The following ARHGAP44 variants were observed in gnomAD, a reference collection of about 807,000 sequenced individuals.
ARHGAP44 encodes the protein rho GTPase-activating protein 44.
In ARHGAP44, 43 loss-of-function variants were observed where a neutral mutation model predicts 106.8. That is an observed-to-expected ratio of 0.40 (90% CI 0.32 to 0.52). ARHGAP44 has a LOEUF of 0.52. Among genes scored for constraint, ARHGAP44 ranks in the 20% least tolerant of loss-of-function variants. The probability of loss-of-function intolerance (pLI) is 0.48; values close to 1 mark genes in which losing one functional copy is unlikely to be tolerated. For missense variants in ARHGAP44, 866 were observed against 1,050.5 expected (o/e 0.82, Z 2.43); for synonymous variants, 439 against 410.3 (o/e 1.07, Z -0.85).
At chr17:12,974,880 CGGTT>C (rs950245072) in intron 18 of ARHGAP44, among the ~76,000 whole-genome samples, 7 of 144,002 alleles carry the variant, frequency 4.9e-5, no homozygotes, top group Non-Finnish European at 1.0e-4. Flanking sequence ...GATGGAGTCT[CGGTT>C]GGTCGCCCAG....
rs375495971 is a variant in ARHGAP44 at position 12,915,574 on chromosome 17, A to G, written c.276-326A>G. The stretch of plus-strand genomic sequence containing the variant: ...TTGTATTTGAAGATGATGTTTTTTT[A>G]GCGGGCAGATTTTAGCTATCCAATG... On this transcript the variant is annotated intron_variant, in intron 4 of 20. Transcript: ENST00000379672. 2.0e-5 allele frequency among the ~76,000 whole-genome samples: 3 copies of G among 152,200 alleles called. No homozygotes were observed. The South Asian group carries it at 6.2e-4, about 32-fold the overall frequency.
intron 16 of ARHGAP44, among the ~76,000 whole-genome samples, chr17:12,962,998 A>G (rs2039299876): frequency 6.9e-6 from 1 of 144,972 alleles, no homozygotes. Flanking sequence ...GTGAGCCGAG[A>G]TAGTGCCATT....
intron 7 of ARHGAP44, among the ~76,000 whole-genome samples, chr17:12,939,541 C>T (rs1276316464): frequency 6.6e-6 from 1 of 152,112 alleles, no homozygotes; most frequent in Non-Finnish European, 1.5e-5. Context: ...TCTCAGCTCA[C>T]CGCAAGCTCC....
chr17:12,989,945 CCTAA>C, intron 20 of ARHGAP44, 83 bp from the exon 21 acceptor site: 4 of 1,549,164 alleles, frequency 2.6e-6, no homozygotes, highest in Non-Finnish European at 2.6e-6. Flanking sequence ...ACCCCTGCCT[CCTAA>C]GGCTGACATT....
chr17:12,947,552 C>T (rs996095710), intron 10 of ARHGAP44, among the ~76,000 whole-genome samples: 5 of 152,212 alleles, frequency 3.3e-5, no homozygotes, highest in African/African-American at 4.8e-5. Flanking sequence ...CATCCTTCAA[C>T]ATTTCCATGC....
chr17:12,939,135 C>T (rs2038635290), intron 7 of ARHGAP44, among the ~76,000 whole-genome samples: 1 of 152,204 alleles, frequency 6.6e-6, no homozygotes, highest in African/African-American at 2.4e-5. Flanking sequence ...TTGATTCCCA[C>T]CTTGGCAGCC....
intron 1 of ARHGAP44, among the ~76,000 whole-genome samples, chr17:12,815,696 A>G (rs1039992774): frequency 2.0e-5 from 3 of 152,198 alleles, no homozygotes; most frequent in Non-Finnish European, 2.9e-5. Context: ...GTTGGGTGGT[A>G]TGTACATAGG....
chr17:12,828,381 G>C (rs1488934310), intron 1 of ARHGAP44, among the ~76,000 whole-genome samples: 1 of 151,902 alleles, frequency 6.6e-6, no homozygotes, highest in South Asian at 2.1e-4. Flanking sequence ...TCTTATCCCA[G>C]TTTGCAATGA....
chr17:12,902,481 A>G (rs185642322), intron 3 of ARHGAP44, among the ~76,000 whole-genome samples: 52 of 152,274 alleles, frequency 3.4e-4, no homozygotes, highest in Admixed American at 3.3e-3. Context: ...GTGATCATTT[A>G]TTTCCATCAT....
intron 17 of ARHGAP44, 103 bp from the exon 18 acceptor site, chr17:12,973,986 G>C: frequency 8.1e-7 from 1 of 1,239,762 alleles, no homozygotes; most frequent in Non-Finnish European, 1.2e-6. Context: ...CTAAAGCTGC[G>C]CTGCTCTTCT....
At chr17:12,859,522 A>G (rs1641804942) in intron 1 of ARHGAP44, among the ~76,000 whole-genome samples, 1 of 152,194 alleles carries the variant, frequency 6.6e-6, no homozygotes, top group Admixed American at 6.5e-5. Flanking sequence ...AGTTTGCTTT[A>G]CTGCCCACAT....
In ARHGAP44 at chr17:12,990,047, A is replaced by G; in HGVS notation, c.2333A>G (p.Asp778Gly). 6.2e-7 allele frequency: 1 copy of G among 1,604,364 alleles called. No individual in the cohort carries two copies. The highest frequency in any genetic ancestry group is 1.1e-5 in the South Asian group (1 of 90,878). ...CGCCTTCCAGATCTTGTCCACTTTG[A>G]TATTCCCTCGATCCACATAGAGCTC... ...ESMSTDLVHF[D>G]IPSIHIELGS... The change falls in exon 21 of 21, where the codon GAT (aspartate) becomes GGT (glycine). Residue 778 changes from aspartate to glycine, a missense_variant. Transcript: ENST00000379672.
At chr17:12,886,253 A>G (rs1414889929) in intron 1 of ARHGAP44, among the ~76,000 whole-genome samples, 1 of 152,130 alleles carries the variant, frequency 6.6e-6, no homozygotes, top group African/African-American at 2.4e-5. Context: ...TTTATACTAA[A>G]TCTTAACATT....
chr17:12,897,428 T>C (rs2037242347), intron 3 of ARHGAP44, among the ~76,000 whole-genome samples: 1 of 145,108 alleles, frequency 6.9e-6, no homozygotes, highest in East Asian at 2.0e-4. Context: ...GTCCTACGAG[T>C]CATTTCTTTT....
rs554214823 is a variant in ARHGAP44, at chr17:12,945,045, C to T, written c.861+849C>T. On this transcript the variant is annotated intron_variant, in intron 10 of 20. Transcript: ENST00000379672. ...TTTCTTTTTGAGATGGAGTCTCACT[C>T]TGTCACCCAGGCTGGAGTGCAGTTG... 2.0e-5 allele frequency among the ~76,000 whole-genome samples: 3 copies of T among 151,540 alleles called. No individual in the cohort carries two copies. In the South Asian group the frequency reaches 6.3e-4, roughly 32 times the overall value.
chr17:12,829,414 A>G (rs1447247687), intron 1 of ARHGAP44, among the ~76,000 whole-genome samples: 1 of 152,052 alleles, frequency 6.6e-6, no homozygotes, highest in East Asian at 1.9e-4. Context: ...GGCTTCTTAT[A>G]GTATATATTG....
intron 3 of ARHGAP44, among the ~76,000 whole-genome samples, chr17:12,899,595 G>A (rs2037312705): frequency 1.4e-5 from 2 of 141,044 alleles, no homozygotes; most frequent in African/African-American, 5.1e-5. Flanking sequence ...AAATGAAAAG[G>A]ATCAGGTAAA....
Position 12,904,017 on chromosome 17 carries a change from T to G in ARHGAP44, c.199-4880T>G, listed in dbSNP as rs890487187. 2.0e-5 allele frequency among the ~76,000 whole-genome samples: 3 copies of G among 152,204 alleles called. No homozygotes were observed. The East Asian group carries it at 5.8e-4, about 29-fold the overall frequency. On this transcript the variant is annotated intron_variant, in intron 3 of 20. Coordinates refer to ENST00000379672, the MANE Select transcript of ARHGAP44 (RefSeq NM_014859.6). The stretch of plus-strand genomic sequence containing the variant: ...TGCGTTACAGTCCATTAACTTCTTC[T>G]TACGTACTGTCTTTGATTATGGGGT...
chr17:12,835,431 T>C (rs995521256), intron 1 of ARHGAP44, among the ~76,000 whole-genome samples: 5 of 152,190 alleles, frequency 3.3e-5, no homozygotes, highest in Non-Finnish European at 5.9e-5. Flanking sequence ...GTAGGCATGA[T>C]GATAAAAGTT....
Sources: allele counts gnomAD v4.1 joint callset (sites outside exome capture counted in the v4.1 genomes callset), GRCh38; gene constraint gnomAD v4.1.1; transcripts MANE v1.5; gene names NCBI Gene and HGNC (gene_info 2026-07-23, HGNC 2026-07-21).